The following FYN variants were observed in gnomAD, a reference collection of about 807,000 sequenced individuals.
FYN encodes the protein tyrosine-protein kinase Fyn.
In FYN, 10 loss-of-function variants were observed where a neutral mutation model predicts 70.2. The observed-to-expected ratio is 0.14, with a 90% CI of 0.09 to 0.24. FYN has a LOEUF of 0.24. Ranked by LOEUF, FYN falls within the 10% of genes least tolerant of loss-of-function variation. The probability of loss-of-function intolerance (pLI) is 1.00; values close to 1 mark genes in which losing one functional copy is unlikely to be tolerated. For missense variants in FYN, 319 were observed against 673.1 expected (o/e 0.47, Z 5.82); for synonymous variants, 236 against 248.6 (o/e 0.95, Z 0.48).
chr6:111,678,150 G>GTGTGTGTGTGT (rs3220548), intron 12 of FYN, among the ~76,000 whole-genome samples: 3 of 119,894 alleles, frequency 2.5e-5, no homozygotes, highest in African/African-American at 7.8e-5. Flanking sequence ...GTGTGTGTGT[G>GTGTGTGTGTGT]GTGTGTGTAC....
intron 8 of FYN, chr6:111,702,499 T>A (rs1385762657): frequency 6.1e-6 from 1 of 164,070 alleles, no homozygotes; most frequent in Non-Finnish European, 1.3e-5. Flanking sequence ...GGTAAAGTGA[T>A]AGTGGAAACA....
chr6:111,834,776 A>C (rs957244862), intron 2 of FYN, among the ~76,000 whole-genome samples: 1 of 152,192 alleles, frequency 6.6e-6, no homozygotes, highest in Non-Finnish European at 1.5e-5. Context: ...TCCTGTTCAC[A>C]AAAGTTTATC....
In FYN at chr6:111,774,374, A is replaced by G. The variant is rs527460973; in HGVS notation, c.-12+6192T>C. ...ATAGTGCGGGTGTGCACCTGGCTCT[A>G]CTGCATTCTAGTACAACCTCAGAGC... On this transcript the variant is annotated intron_variant, in intron 3 of 13. Transcript: ENST00000354650. Among the ~76,000 whole-genome samples the G allele has an allele frequency of 5.9e-5, 9 of 152,298 alleles. No homozygotes were observed. The South Asian group carries it at 1.2e-3, about 21-fold the overall frequency.
At chr6:111,777,044 T>C (rs1194910820) in intron 3 of FYN, among the ~76,000 whole-genome samples, 3 of 152,218 alleles carry the variant, frequency 2.0e-5, no homozygotes, top group Admixed American at 6.5e-5. Flanking sequence ...AAATACCGTT[T>C]AATCTTAGAG....
intron 3 of FYN, among the ~76,000 whole-genome samples, chr6:111,769,410 C>G (rs9387035): frequency 0.034 from 5,194 of 152,270 alleles, 139 homozygotes; most frequent in East Asian, 0.12. Flanking sequence ...TTGTCATTTT[C>G]TCCCCTGAGA....
intron 3 of FYN, among the ~76,000 whole-genome samples, chr6:111,751,311 GACA>G (rs898154446): frequency 1.4e-4 from 22 of 152,126 alleles, no homozygotes; most frequent in African/African-American, 4.8e-4. Flanking sequence ...GGCTCAGGTT[GACA>G]ACATCATGTT....
intron 13 of FYN, among the ~76,000 whole-genome samples, chr6:111,665,995 CTTT>C (rs991104460): frequency 7.9e-5 from 7 of 89,072 alleles, no homozygotes; most frequent in African/African-American, 2.3e-4. Flanking sequence ...CCTTTTTCTC[CTTT>C]TTTTTTTTTT....
At chr6:111,863,018 C>T (rs542873832) in intron 1 of FYN, among the ~76,000 whole-genome samples, 24 of 152,292 alleles carry the variant, frequency 1.6e-4, no homozygotes, top group African/African-American at 5.3e-4. Flanking sequence ...TAAGGAAGAA[C>T]GTAGATACTA....
intron 2 of FYN, among the ~76,000 whole-genome samples, chr6:111,782,626 GC>G (rs1740431173): frequency 6.6e-6 from 1 of 152,148 alleles, no homozygotes; most frequent in African/African-American, 2.4e-5. Flanking sequence ...AATATAGAGG[GC>G]GCCTGTGTGA....
chr6:111,664,334 C>T (rs1370858983), intron 13 of FYN, among the ~76,000 whole-genome samples: 1 of 152,120 alleles, frequency 6.6e-6, no homozygotes, highest in Non-Finnish European at 1.5e-5. Context: ...CCTCCTAATG[C>T]TTGACTCTGG....
At chr6:111,666,763 G>C (rs1383664301) in intron 13 of FYN, among the ~76,000 whole-genome samples, 1 of 152,146 alleles carries the variant, frequency 6.6e-6, no homozygotes, top group Non-Finnish European at 1.5e-5. Context: ...AGCCCAGGAG[G>C]TTGAGGCTGT....
At chr6:111,782,049 T>G (rs994944752) in intron 2 of FYN, among the ~76,000 whole-genome samples, 3 of 152,200 alleles carry the variant, frequency 2.0e-5, no homozygotes, top group African/African-American at 7.2e-5. Context: ...TTTTTCCCCA[T>G]CCAACTTCAT....
chr6:111,826,584 A>T (rs1772841405), intron 2 of FYN, among the ~76,000 whole-genome samples: 2 of 152,178 alleles, frequency 1.3e-5, no homozygotes, highest in South Asian at 4.1e-4. Flanking sequence ...GACATACTTG[A>T]TCTTCTAGTA....
intron 2 of FYN, among the ~76,000 whole-genome samples, chr6:111,800,792 TCTCTC>T (rs1173325690): frequency 6.6e-6 from 1 of 152,118 alleles, no homozygotes; most frequent in African/African-American, 2.4e-5. Flanking sequence ...CATCTCCAGT[TCTCTC>T]CTCAACTCTT....
intron 2 of FYN, among the ~76,000 whole-genome samples, chr6:111,832,998 T>C (rs1315219003): frequency 6.6e-6 from 1 of 152,198 alleles, no homozygotes; most frequent in Non-Finnish European, 1.5e-5. Flanking sequence ...TTCAGTTTCA[T>C]AGGAATGCTA....
chr6:111,762,863 G>T (rs1035081817), intron 3 of FYN, among the ~76,000 whole-genome samples: 2 of 151,772 alleles, frequency 1.3e-5, no homozygotes, highest in African/African-American at 4.8e-5. Context: ...AACTAAAAAA[G>T]TCCTCGCATT....
intron 3 of FYN, among the ~76,000 whole-genome samples, chr6:111,742,457 G>C (rs1802020028): frequency 6.6e-6 from 1 of 152,150 alleles, no homozygotes; most frequent in Non-Finnish European, 1.5e-5. Flanking sequence ...CTGAGGGCCA[G>C]GTTTATTCAT....
At chr6:111,683,061 AG>A (rs1169685845) in intron 12 of FYN, among the ~76,000 whole-genome samples, 1 of 152,216 alleles carries the variant, frequency 6.6e-6, no homozygotes, top group East Asian at 1.9e-4. Context: ...GAATCTTCTG[AG>A]GGTCCATGAT....
chr6:111,698,767 A>T (rs1799691763), intron 9 of FYN, among the ~76,000 whole-genome samples: 1 of 152,206 alleles, frequency 6.6e-6, no homozygotes. Context: ...TAACCCATGT[A>T]ATCCTAAAAA....
Sources: gnomAD v4.1 joint callset for allele counts (sites outside exome capture counted in the v4.1 genomes callset) on GRCh38, gnomAD v4.1.1 for gene constraint, MANE v1.5 for transcripts, NCBI Gene and HGNC (gene_info 2026-07-23, HGNC 2026-07-21) for gene names.